FNDC3B: variants seen among roughly 807,000 people sequenced by gnomAD.
The protein encoded by FNDC3B is fibronectin type III domain-containing protein 3B.
Under a neutral mutation model 151.5 loss-of-function variants are expected in FNDC3B, and 12 were observed. The observed-to-expected ratio is 0.08, with a 90% CI of 0.05 to 0.13. The LOEUF (loss-of-function observed/expected upper bound fraction) is 0.13. Among genes scored for constraint, FNDC3B ranks in the 10% least tolerant of loss-of-function variants. The pLI, the probability that FNDC3B is intolerant of heterozygous loss-of-function variation, is 1.00. For missense variants in FNDC3B, 1,214 were observed against 1,505.3 expected, an observed-to-expected ratio of 0.81 and a Z score of 3.20; for synonymous variants, 528 against 549.0, an observed-to-expected ratio of 0.96 and a Z score of 0.54.
At chr3:172,296,065 GACC>G (rs1229513151) in intron 8 of FNDC3B, among the ~76,000 whole-genome samples, 1 of 152,188 alleles carries the variant, frequency 6.6e-6, no homozygotes, top group Non-Finnish European at 1.5e-5. Context: ...CCCAGGTATT[GACC>G]ATTCAAAAGA....
In FNDC3B at chr3:172,273,760, T is replaced by C. The variant is rs1729311405; in HGVS notation, c.791-12166T>C. On this transcript the variant is annotated intron_variant, in intron 6 of 25. Coordinates refer to ENST00000415807, the MANE Select transcript of FNDC3B (RefSeq NM_022763.4). ...CCTCTTTATCCTTACTGAAAGACTT[T>C]AGAGAAATGGCTGCTAAGGTGGAGT... Among the ~76,000 whole-genome samples the C allele has an allele frequency of 2.0e-5, 3 of 152,218 alleles. 1 individual carries two copies. In the South Asian group the frequency reaches 6.2e-4, roughly 31 times the overall value.
chr3:172,215,770 C>G (rs1725946376), intron 3 of FNDC3B, among the ~76,000 whole-genome samples: 1 of 152,220 alleles, frequency 6.6e-6, no homozygotes, highest in Non-Finnish European at 1.5e-5. Context: ...GCTCTACTTG[C>G]ATCGACTTTT....
chr3:172,336,772 G>A (rs933781005), intron 15 of FNDC3B, among the ~76,000 whole-genome samples: 5 of 151,648 alleles, frequency 3.3e-5, no homozygotes, highest in East Asian at 1.9e-4. Context: ...GCGTAGTGGC[G>A]GGCGCCTGTA....
chr3:172,137,787 G>T (rs542372535), intron 3 of FNDC3B, among the ~76,000 whole-genome samples: 5 of 152,120 alleles, frequency 3.3e-5, no homozygotes, highest in Admixed American at 6.5e-5. Flanking sequence ...TGAATCATAG[G>T]TCTTGAAGGG....
At chr3:172,044,469 T>C (rs1376048575) in intron 1 of FNDC3B, among the ~76,000 whole-genome samples, 1 of 152,208 alleles carries the variant, frequency 6.6e-6, no homozygotes, top group African/African-American at 2.4e-5. Context: ...ACTCTAGACA[T>C]ATCCTGGAGG....
chr3:172,259,370 T>A (rs931637007), intron 6 of FNDC3B, among the ~76,000 whole-genome samples: 2 of 152,158 alleles, frequency 1.3e-5, no homozygotes, highest in Non-Finnish European at 2.9e-5. Context: ...CTGCCAGATC[T>A]CTCTGCTTAG....
chr3:172,080,721 A>G (rs1576844145), intron 1 of FNDC3B, among the ~76,000 whole-genome samples: 1 of 152,144 alleles, frequency 6.6e-6, no homozygotes, highest in East Asian at 1.9e-4. Flanking sequence ...CATGGGTTCA[A>G]AGTTGATATT....
chr3:172,141,146 C>CG (rs1721610475), intron 3 of FNDC3B, among the ~76,000 whole-genome samples: 1 of 50,972 alleles, frequency 2.0e-5, no homozygotes, highest in Non-Finnish European at 3.9e-5. Context: ...ACTGATTTTT[C>CG]CCCCCCCTAA....
intron 25 of FNDC3B, among the ~76,000 whole-genome samples, chr3:172,393,442 C>T (rs1016355650): frequency 1.3e-5 from 2 of 152,198 alleles, no homozygotes; most frequent in African/African-American, 4.8e-5. Flanking sequence ...TAATACTCTA[C>T]AGATAATCCA....
chr3:172,050,389 C>CT (rs71635717), intron 1 of FNDC3B, among the ~76,000 whole-genome samples: 34,754 of 145,886 alleles, frequency 0.24, 4,496 homozygotes, highest in African/African-American at 0.35. Context: ...GGTATATTTT[C>CT]TTTTTTTTTT....
At chr3:172,323,925 G>C (rs1457175736) in intron 11 of FNDC3B, among the ~76,000 whole-genome samples, 2 of 152,164 alleles carry the variant, frequency 1.3e-5, no homozygotes, top group Admixed American at 1.3e-4. Flanking sequence ...AGTATTCTAA[G>C]CGTTACTAGG....
intron 3 of FNDC3B, among the ~76,000 whole-genome samples, chr3:172,207,550 G>C (rs1725493610): frequency 6.6e-6 from 1 of 152,172 alleles, no homozygotes; most frequent in South Asian, 2.1e-4. Flanking sequence ...GTTTTATTGA[G>C]GTTTACCTGG....
intron 3 of FNDC3B, among the ~76,000 whole-genome samples, chr3:172,208,978 C>T (rs948340419): frequency 6.6e-6 from 1 of 152,140 alleles, no homozygotes; most frequent in African/African-American, 2.4e-5. Flanking sequence ...ACAGTGGCGC[C>T]TGAAAGCTTG....
At chr3:172,155,501 A>G (rs192512320) in intron 3 of FNDC3B, among the ~76,000 whole-genome samples, 33 of 152,310 alleles carry the variant, frequency 2.2e-4, no homozygotes, top group Non-Finnish European at 4.1e-4. Flanking sequence ...TTCAGCACTG[A>G]CTTTCCTGCA....
chr3:172,229,136 C>CACACACAA lies in FNDC3B; in HGVS notation c.264+2190_264+2191insCACACAAA, dbSNP rs1272151522. ...ACACACACACACACACACACACACA[C>CACACACAA]AATCTCCTGCAGCAGGCTGGACATA... On this transcript the variant is annotated intron_variant, in intron 4 of 25. Transcript: ENST00000415807. 4.2e-3 allele frequency among the ~76,000 whole-genome samples: 345 copies of CACACACAA among 81,674 alleles called. 3 individuals carry two copies. The highest frequency in any genetic ancestry group is 0.014 in the African/African-American group (316 of 23,266). 53.6% of individuals were successfully genotyped at this position (81,674 alleles called of 152,430 possible). A position where few individuals can be genotyped will look rare whatever the true frequency, so the allele number is the denominator to read the frequency against.
chr3:172,068,773 T>A (rs576865187), intron 1 of FNDC3B, among the ~76,000 whole-genome samples: 1 of 152,208 alleles, frequency 6.6e-6, no homozygotes, highest in African/African-American at 2.4e-5. Flanking sequence ...GTCAGGAAAT[T>A]TAATAATAAG....
At chr3:172,384,064 A>C (rs1476803577) in intron 25 of FNDC3B, among the ~76,000 whole-genome samples, 1 of 152,198 alleles carries the variant, frequency 6.6e-6, no homozygotes, top group Non-Finnish European at 1.5e-5. Context: ...TTTGATTCAG[A>C]GTTTCTGTTA....
At chr3:172,061,913 G>T (rs968743577) in intron 1 of FNDC3B, among the ~76,000 whole-genome samples, 2 of 152,186 alleles carry the variant, frequency 1.3e-5, no homozygotes, top group African/African-American at 4.8e-5. Context: ...TAACCTTTCA[G>T]TTCCACAAAC....
chr3:172,309,916 C>G (rs1045197135), intron 10 of FNDC3B, among the ~76,000 whole-genome samples: 1 of 152,196 alleles, frequency 6.6e-6, no homozygotes, highest in African/African-American at 2.4e-5. Context: ...TCAGATACAT[C>G]TCAGGGGAAG....
Sources: gnomAD v4.1 joint callset for allele counts (sites outside exome capture counted in the v4.1 genomes callset) on GRCh38, gnomAD v4.1.1 for gene constraint, MANE v1.5 for transcripts, NCBI Gene and HGNC (gene_info 2026-07-23, HGNC 2026-07-21) for gene names.